DDX55: variants seen among roughly 807,000 people sequenced by gnomAD.
DDX55 encodes the protein DEAD-box helicase 55, also known as ATP-dependent RNA helicase DDX55.
In DDX55, 56 loss-of-function variants were observed where a neutral mutation model predicts 69.2. That is an observed-to-expected ratio of 0.81 (90% CI 0.65 to 1.01). DDX55 has a LOEUF of 1.01. DDX55 is among the 50% of genes least tolerant of loss of function. DDX55 has a pLI of 0.00. For missense variants in DDX55, 720 were observed against 745.1 expected, an observed-to-expected ratio of 0.97 and a Z score of 0.39; for synonymous variants, 268 against 273.1, an observed-to-expected ratio of 0.98 and a Z score of 0.18.
chr12:123,613,242 GTCT>G lies in DDX55; in HGVS notation c.820_822del (p.Phe274del), dbSNP rs1954399634. On this transcript the variant is annotated inframe_deletion, in exon 8 of 14. Transcript: ENST00000238146. The stretch of plus-strand genomic sequence containing the variant: ...CAATCATAAGCAGGAGAAACACCTG[GTCT>G]TCTTCAGGTACTCCTCTGGTCTCTG... 5.0e-6 allele frequency: 8 copies of G among 1,614,024 alleles called. No homozygotes were observed. Among genetic ancestry groups the G allele is most frequent in the Non-Finnish European group, 6.8e-6 (8 of 1,179,998 alleles).
chr12:123,607,389 T>G, intron 3 of DDX55, 43 bp from the exon 4 acceptor site: 2 of 1,605,816 alleles, frequency 1.2e-6, no homozygotes, highest in Non-Finnish European at 1.7e-6. Flanking sequence ...TCTCTGGGAG[T>G]CCCTTGTGCT....
intron 6 of DDX55, among the ~76,000 whole-genome samples, chr12:123,609,536 T>C (rs963391582): frequency 5.4e-5 from 8 of 148,840 alleles, no homozygotes; most frequent in African/African-American, 2.0e-4. Context: ...CCATCATGCT[T>C]TTTTTTTTTA....
chr12:123,608,750 C>A lies in DDX55; in HGVS notation c.472C>A (p.Leu158Met). ...MFRRKAEGLD[L>M]ASCVRSLDVL... Reference sequence around the variant, plus strand: ...CCGGAGGAAGGCCGAAGGCTTGGATCTGGCCAGCTGTGTGCGATCCCTGGA... The same window carrying A: ...CCGGAGGAAGGCCGAAGGCTTGGATATGGCCAGCTGTGTGCGATCCCTGGA... The change falls in exon 6 of 14, where the codon CTG becomes ATG. Residue 158 changes from leucine (L) to methionine (M), a missense_variant. Physicochemically the swap from Leu to Met is conservative, Grantham distance 15. Transcript: ENST00000238146. 4 of 1,614,154 alleles carry A rather than the reference C, an allele frequency of 2.5e-6. No individual in the cohort carries two copies. The highest frequency in any genetic ancestry group is 3.4e-6 in the Non-Finnish European group (4 of 1,180,028).
At chr12:123,618,870 C>T in intron 12 of DDX55, 33 bp downstream of exon 12, 1 of 1,607,918 alleles carries the variant, frequency 6.2e-7, no homozygotes, top group Non-Finnish European at 8.5e-7. Flanking sequence ...ATAATGTCTC[C>T]ATCTTAACTA....
chr12:123,609,926 C>T lies in DDX55; in HGVS notation c.552-13C>T. 2 of 1,610,012 alleles carry T rather than the reference C, an allele frequency of 1.2e-6. No homozygotes were observed. The highest frequency in any genetic ancestry group is 1.7e-5 in the Admixed American group (1 of 59,578). ...GCAAGTGAGCGGTTAAGTGTGAGCC[C>T]TCTTTTTATCAGCATCAACACCATT... On this transcript the variant is annotated splice_polypyrimidine_tract_variant and intron_variant, in intron 6 of 13. Transcript: ENST00000238146.
intron 3 of DDX55, 29 bp downstream of exon 3, chr12:123,606,188 A>G: frequency 6.2e-7 from 1 of 1,611,142 alleles, no homozygotes; most frequent in Non-Finnish European, 8.5e-7. Flanking sequence ...ATTTATTTTC[A>G]CCTAGTCATC....
chr12:123,604,135 A>G (rs1345691565), intron 1 of DDX55, among the ~76,000 whole-genome samples: 2 of 152,068 alleles, frequency 1.3e-5, no homozygotes, highest in Non-Finnish European at 2.9e-5. Flanking sequence ...AGCTGGGTAC[A>G]GTGGCACCCG....
chr12:123,608,950 A>ATT (rs909189160), intron 6 of DDX55, 121 bp downstream of exon 6: 92 of 990,916 alleles, frequency 9.3e-5, no homozygotes, highest in Admixed American at 1.4e-4. Context: ...ATTTTTATTT[A>ATT]TTTTTTATTT....
chr12:123,618,851 C>T lies in DDX55; in HGVS notation c.1333+14C>T. Reference sequence around the variant, plus strand: ...TCAGATTAAAGGGTAAGTTGGACTTCTTCATGTGATAATGTCTCCATCTTA... The same window carrying T: ...TCAGATTAAAGGGTAAGTTGGACTTTTTCATGTGATAATGTCTCCATCTTA... On this transcript the variant is annotated intron_variant, in intron 12 of 13. Coordinates refer to ENST00000238146, the MANE Select transcript of DDX55 (RefSeq NM_020936.3). 6.2e-7 allele frequency: 1 copy of T among 1,612,598 alleles called. No homozygotes were observed. The highest frequency in any genetic ancestry group is 2.2e-5 in the East Asian group (1 of 44,856).
intron 10 of DDX55, among the ~76,000 whole-genome samples, chr12:123,617,249 A>T (rs903755664): frequency 2.0e-5 from 3 of 152,242 alleles, no homozygotes; most frequent in African/African-American, 7.2e-5. Context: ...AAGTACTTTC[A>T]AATATTATCA....
chr12:123,618,777 T>C lies in DDX55; in HGVS notation c.1273T>C (p.Phe425Leu). 1 of 1,614,178 alleles carries C rather than the reference T, an allele frequency of 6.2e-7. No individual in the cohort carries two copies. Among genetic ancestry groups the C allele is most frequent in the Non-Finnish European group, 8.5e-7 (1 of 1,180,036 alleles). Reference protein sequence around the residue: ...RAVFEKGMKAFVSYVQAYAKH... With the variant: ...RAVFEKGMKALVSYVQAYAKH... ...TGTGTTTGAAAAGGGCATGAAAGCT[T>C]TTGTGTCATATGTCCAAGCTTATGC... The change falls in exon 12 of 14, where the codon TTT becomes CTT. Residue 425 changes from phenylalanine to leucine, a missense_variant. By Grantham distance (22) the Phe-to-Leu change is conservative. Coordinates refer to ENST00000238146, the MANE Select transcript of DDX55 (RefSeq NM_020936.3).
intron 7 of DDX55, among the ~76,000 whole-genome samples, chr12:123,610,901 T>G (rs1416862136): frequency 4.3e-5 from 6 of 141,170 alleles, no homozygotes; most frequent in Admixed American, 2.1e-4. Context: ...TTTTTTTTTG[T>G]TTGTTTTTTT....
Position 123,620,227 on chromosome 12 carries a change from C to A in DDX55, c.*87C>A. The A allele has an allele frequency of 2.3e-6, 3 of 1,305,130 alleles. No homozygotes were observed. Among genetic ancestry groups the A allele is most frequent in the South Asian group, 1.5e-5 (1 of 66,328 alleles). 80.8% of individuals were successfully genotyped at this position (1,305,130 alleles called of 1,614,324 possible). A position where few individuals can be genotyped will look rare whatever the true frequency, so the allele number is the denominator to read the frequency against. On this transcript the variant is annotated 3_prime_UTR_variant, in exon 14 of 14. Coordinates refer to ENST00000238146, the MANE Select transcript of DDX55 (RefSeq NM_020936.3). ...AGTTTGCTTTTAACGAAAATCACAA[C>A]TTCAGGAGACATCTGAAAAGAATGA... is the stretch of plus-strand genomic sequence containing the variant.
Position 123,619,553 on chromosome 12 carries a change from A to G in DDX55, c.1455A>G (p.Pro485=), listed in dbSNP as rs749980858. The G allele has an allele frequency of 3.5e-5, 57 of 1,613,998 alleles. No homozygotes were observed. The South Asian group carries it at 5.9e-4, about 17-fold the overall frequency. The change falls in exon 13 of 14, where the codon CCA becomes CCG. Residue 485 remains proline (P), a synonymous_variant. Transcript: ENST00000238146. ...TGGACGTTAATACCGACACGATTCCATTTAAAGATAAAATCAGAGAAAAGC... is the reference window on the plus strand; with the variant it reads ...TGGACGTTAATACCGACACGATTCCGTTTAAAGATAAAATCAGAGAAAAGC... ...VPVDVNTDTI[P]FKDKIREKQR...
At chr12:123,609,144 G>T (rs1375075158) in intron 6 of DDX55, among the ~76,000 whole-genome samples, 1 of 151,624 alleles carries the variant, frequency 6.6e-6, no homozygotes, top group African/African-American at 2.4e-5. Context: ...TGCAGATGAG[G>T]TTTTGCCATG....
intron 11 of DDX55, 127 bp from the exon 12 acceptor site, chr12:123,618,542 T>G (rs903418862): frequency 1.3e-6 from 2 of 1,538,018 alleles, no homozygotes; most frequent in Admixed American, 2.0e-5. Context: ...TGGGTTGGAG[T>G]TGGGCTTCAG....
chr12:123,606,734 G>A lies in DDX55; in HGVS notation c.246+575G>A, dbSNP rs371711073. ...GCCTTCCAAGTAGCTGGGACTACAG[G>A]TGTGGACCATCATGTCTGGGTCATT... On this transcript the variant is annotated intron_variant, in intron 3 of 13. Transcript: ENST00000238146. Among the ~76,000 whole-genome samples the A allele has an allele frequency of 8.4e-4, 128 of 152,156 alleles. 2 individuals are homozygous for A. The South Asian group carries it at 0.026, about 31-fold the overall frequency.
At position 123,619,685 on chromosome 12, in the gene DDX55, A is replaced by G; in HGVS notation, c.1587A>G (p.Glu529=). 6.3e-7 allele frequency: 1 copy of G among 1,579,114 alleles called. No homozygotes were observed. The highest frequency in any genetic ancestry group is 1.2e-5 in the South Asian group (1 of 83,678). The change falls in exon 13 of 14, where the codon GAA becomes GAG. Residue 529 remains glutamate (E), a synonymous_variant. Coordinates refer to ENST00000238146, the MANE Select transcript of DDX55 (RefSeq NM_020936.3). The part of the protein sequence containing the change: ...KAWSKQKAKK[E]KKKKMNEKRK... ...GGTCAAAGCAGAAGGCCAAAAAAGA[A>G]AAGAAGAAAAAAATGAATGAGAAAA... is the stretch of plus-strand genomic sequence containing the variant.
chr12:123,617,369 T>C (rs1302587391), intron 10 of DDX55, among the ~76,000 whole-genome samples: 1 of 152,234 alleles, frequency 6.6e-6, no homozygotes, highest in Non-Finnish European at 1.5e-5. Context: ...TCCTAATACA[T>C]GCTTCCACGC....
Sources: allele counts gnomAD v4.1 joint callset (sites outside exome capture counted in the v4.1 genomes callset), GRCh38; gene constraint gnomAD v4.1.1; transcripts MANE v1.5; gene names NCBI Gene and HGNC (gene_info 2026-07-23, HGNC 2026-07-21).